The following A2ML1 variants were observed in gnomAD, a reference collection of about 807,000 sequenced individuals.
A2ML1 encodes the protein alpha-2-macroglobulin like 1.
A2ML1 carries 161 observed loss-of-function variants against 181.9 expected under a neutral mutation model. The ratio of observed to expected loss-of-function variants is 0.89; its 90% CI spans 0.78 to 1.01. The LOEUF is 1.01. A2ML1 is among the 50% of genes least tolerant of loss of function. The pLI is 0.00. For missense variants in A2ML1, 1,670 were observed against 1,768.1 expected, an observed-to-expected ratio of 0.94 and a Z score of 1.00; for synonymous variants, 663 against 666.8, an observed-to-expected ratio of 0.99 and a Z score of 0.09.
In A2ML1 at chr12:8,835,584, G is replaced by C; in HGVS notation, c.561G>C (p.Leu187=). 2 of 1,614,206 alleles carry C rather than the reference G, an allele frequency of 1.2e-6. No individual in the cohort carries two copies. The highest frequency in any genetic ancestry group is 1.7e-6 in the Non-Finnish European group (2 of 1,180,036). The part of the protein sequence containing the change: ...EQGIVDLSFQ[L]APEAMLGTYT... ...GCATTGTAGACCTGTCCTTCCAACT[G>C]GCACCAGAGGCAATGCTGGGCACCT... The change falls in exon 6 of 36, where the codon CTG becomes CTC. Residue 187 remains leucine (L), a synonymous_variant. Transcript: ENST00000299698.
rs1565497369 is a variant in A2ML1 at position 8,874,451 on chromosome 12, C to A, written c.4248C>A (p.Thr1416=). 6.2e-7 allele frequency: 1 copy of A among 1,614,048 alleles called. No homozygotes were observed. Among genetic ancestry groups the A allele is most frequent in the Non-Finnish European group, 8.5e-7 (1 of 1,179,948 alleles). Residue 1416 remains threonine (T), a synonymous_variant, in exon 34 of 36, where the codon ACC becomes ACA. Coordinates refer to ENST00000299698, the MANE Select transcript of A2ML1 (RefSeq NM_144670.6). ...TCATTAAGAACACTCAGACTTACAC[C>A]TTCACCATCAGCCAAAGTGTGCTGG... ...DELIKNTQTY[T]FTISQSVLVT...
At position 8,851,250 on chromosome 12, in the gene A2ML1, C is replaced by T. The variant is rs527855858; in HGVS notation, c.2235-534C>T. ...ACTCAGAGGGCACCAGCCTCTCTGTCAGATGTGCTTGCACAGAGATGCCCA... is the reference window on the plus strand; with the variant it reads ...ACTCAGAGGGCACCAGCCTCTCTGTTAGATGTGCTTGCACAGAGATGCCCA... On this transcript the variant is annotated intron_variant, in intron 18 of 35. Coordinates refer to ENST00000299698, the MANE Select transcript of A2ML1 (RefSeq NM_144670.6). 2.6e-4 allele frequency among the ~76,000 whole-genome samples: 39 copies of T among 152,318 alleles called. 2 individuals carry two copies. In the South Asian group the frequency reaches 7.7e-3, roughly 30 times the overall value.
Position 8,868,375 on chromosome 12 carries a change from G to A in A2ML1, c.4061+18G>A, listed in dbSNP as rs367608611. The A allele has an allele frequency of 7.5e-6, 12 of 1,609,058 alleles. No homozygotes were observed. Among genetic ancestry groups the A allele is most frequent in the South Asian group, 2.2e-5 (2 of 90,246 alleles). ...CACACCAGGTGATTAAAGCTGGGGT[G>A]CTGGTGGCCGGCAGAGCACCTGGTC... On this transcript the variant is annotated intron_variant, in intron 31 of 35. Coordinates refer to ENST00000299698, the MANE Select transcript of A2ML1 (RefSeq NM_144670.6).
rs369347600 is a variant in A2ML1, at chr12:8,829,879, G to A, written c.462+100G>A. On this transcript the variant is annotated intron_variant, in intron 4 of 35. Transcript: ENST00000299698. ...CCTCTCAGCCTGGGCGTGGCAAGGC[G>A]AGGCCCTCTGGGTTGGAGACTGCTG... The A allele has an allele frequency of 2.5e-4, 360 of 1,457,072 alleles. 5 individuals carry two copies. In the South Asian group the frequency reaches 3.1e-3, roughly 13 times the overall value. The allele number at this position is 1,457,072 out of a possible 1,614,324, so 90.3% of individuals were successfully genotyped here. A position where few individuals can be genotyped will look rare whatever the true frequency, so the allele number is the denominator to read the frequency against.
chr12:8,866,283 A>C lies in A2ML1; in HGVS notation c.3718-1559A>C, dbSNP rs768274822. On this transcript the variant is annotated intron_variant, in intron 29 of 35. Coordinates refer to ENST00000299698, the MANE Select transcript of A2ML1 (RefSeq NM_144670.6). Reference sequence around the variant, plus strand: ...TCGCGCCACTGCACTCCAGCCTGGGAGACAGAGCAAGACTCCATCTCAAAA... The same window carrying C: ...TCGCGCCACTGCACTCCAGCCTGGGCGACAGAGCAAGACTCCATCTCAAAA... Among the ~76,000 whole-genome samples the C allele has an allele frequency of 7.1e-5, 8 of 112,014 alleles. No homozygotes were observed. The East Asian group carries it at 1.2e-3, about 16-fold the overall frequency. The allele number at this position is 112,014 out of a possible 152,430, so 73.5% of individuals were successfully genotyped here.
rs1944495129 is a variant in A2ML1 at position 8,868,333 on chromosome 12, C to A, written c.4037C>A (p.Ser1346Tyr). The change falls in exon 31 of 36, where the codon TCC (serine) becomes TAC (tyrosine). Residue 1346 changes from serine (S) to tyrosine (Y), a missense_variant. Ser to Tyr is a moderately radical substitution (Grantham distance 144, BLOSUM62 -2). Coordinates refer to ENST00000299698, the MANE Select transcript of A2ML1 (RefSeq NM_144670.6). ...TGTGAGCAACCGACTTCACCTCGAT[C>A]CTTGACTCTCACTATTCACACCAGG... ...ARCEQPTSPR[S>Y]LTLTIHTSYV... 1 of 1,613,466 alleles carries A rather than the reference C, an allele frequency of 6.2e-7. No homozygotes were observed. The highest frequency in any genetic ancestry group is 8.5e-7 in the Non-Finnish European group (1 of 1,179,902).
At position 8,853,221 on chromosome 12, in the gene A2ML1, G is replaced by A. The variant is rs190456816; in HGVS notation, c.2590+885G>A. On this transcript the variant is annotated intron_variant, in intron 20 of 35. Transcript: ENST00000299698. ...TGCCCAGGCTGTTCTCAAACTCCTGGGTTCAAGTGATTCTCCCGCCTCACC... is the reference window on the plus strand; with the variant it reads ...TGCCCAGGCTGTTCTCAAACTCCTGAGTTCAAGTGATTCTCCCGCCTCACC... Among the ~76,000 whole-genome samples, 18 of 152,172 alleles carry A rather than the reference G, an allele frequency of 1.2e-4. No homozygotes were observed. In the East Asian group the frequency reaches 3.3e-3, roughly 28 times the overall value.
At chr12:8,845,231 C>A (rs745732644) in intron 12 of A2ML1, 1 of 1,530,110 alleles carries the variant, frequency 6.5e-7, no homozygotes, top group Admixed American at 2.0e-5. Flanking sequence ...TGGTTCTCAG[C>A]CAGACCTCCA....
At chr12:8,874,027 T>G (rs1001497183) in intron 33 of A2ML1, among the ~76,000 whole-genome samples, 1 of 151,888 alleles carries the variant, frequency 6.6e-6, no homozygotes, top group Non-Finnish European at 1.5e-5. Flanking sequence ...AAATTTTTTT[T>G]TAATTTGAGA....
rs114472838 is a variant in A2ML1, at chr12:8,857,475, G to A, written c.3026-32G>A. The A allele has an allele frequency of 3.2e-4, 520 of 1,610,014 alleles. 1 individual carries two copies. Among genetic ancestry groups the A allele is most frequent in the African/African-American group, 2.4e-3 (179 of 74,414 alleles). On this transcript the variant is annotated intron_variant, in intron 24 of 35. Transcript: ENST00000299698. ...CATGGGGGTGTTTTCTGAAGTTGTC[G>A]CTGTGATCTAAAACCACATTTGGCT...
chr12:8,872,147 C>T (rs1476649151), intron 33 of A2ML1, among the ~76,000 whole-genome samples: 2 of 151,210 alleles, frequency 1.3e-5, no homozygotes. Flanking sequence ...CCACTGCACT[C>T]CAGCCTGGGC....
At chr12:8,868,448 G>A in intron 31 of A2ML1, 89 bp from the exon 32 acceptor site, 3 of 1,488,076 alleles carry the variant, frequency 2.0e-6, no homozygotes, top group African/African-American at 2.2e-5. Context: ...CTGTGTATGT[G>A]TGTGTGTACG....
At chr12:8,840,778 C>G (rs900674650) in intron 10 of A2ML1, among the ~76,000 whole-genome samples, 1 of 151,608 alleles carries the variant, frequency 6.6e-6, no homozygotes, top group East Asian at 1.9e-4. Flanking sequence ...TATGGTGGCA[C>G]GGGCCTATAG....
chr12:8,841,264 T>G, intron 10 of A2ML1, 105 bp from the exon 11 acceptor site: 1 of 1,009,012 alleles, frequency 9.9e-7, no homozygotes, highest in Non-Finnish European at 1.5e-6. Flanking sequence ...TTACTTTTAG[T>G]GCCAAAAACC....
At chr12:8,877,376 G>A (rs1944823173), downstream of A2ML1, among the ~76,000 whole-genome samples, 2 of 152,094 alleles carry the variant, frequency 1.3e-5, no homozygotes, top group South Asian at 4.1e-4. Flanking sequence ...CACAGCAAAA[G>A]AAACTATCAA....
intron 4 of A2ML1, among the ~76,000 whole-genome samples, chr12:8,831,763 T>G (rs906226091): frequency 6.6e-6 from 1 of 151,974 alleles, no homozygotes; most frequent in Non-Finnish European, 1.5e-5. Flanking sequence ...TTTTGTTTTT[T>G]TTTGAGACGG....
At chr12:8,840,923 A>G (rs1274916955) in intron 10 of A2ML1, among the ~76,000 whole-genome samples, 15 of 148,802 alleles carry the variant, frequency 1.0e-4, no homozygotes, top group Admixed American at 6.7e-4. Context: ...AAAAAGAAAG[A>G]AAGGAAGGAA....
chr12:8,858,038 C>T lies in A2ML1; in HGVS notation c.3200C>T (p.Ala1067Val), dbSNP rs758909664. The T allele has an allele frequency of 3.1e-6, 5 of 1,614,134 alleles. No homozygotes were observed. The highest frequency in any genetic ancestry group is 4.2e-6 in the Non-Finnish European group (5 of 1,180,038). ...ATCCAGGATGCTCTCAAGTGGATGGCAGGAAACCAGCTCCCCAGTGGCTGC... is the reference window on the plus strand; with the variant it reads ...ATCCAGGATGCTCTCAAGTGGATGGTAGGAAACCAGCTCCCCAGTGGCTGC... The part of the protein sequence containing the change: ...KNIQDALKWM[A>V]GNQLPSGCYA... The change falls in exon 26 of 36, where the codon GCA becomes GTA. Residue 1067 changes from alanine (A) to valine (V), a missense_variant. Transcript: ENST00000299698.
Position 8,867,909 on chromosome 12 carries a change from T to A in A2ML1, c.3785T>A (p.Ile1262Asn). ...ACCGCCTACATGCCATCTGAGGAGA[T>A]CAACCTGGTTGTAAAATCCACTGAG... ...ATTAYMPSEEINLVVKSTENF... is the reference protein window; with the variant it reads ...ATTAYMPSEENNLVVKSTENF... The change falls in exon 30 of 36, where the codon ATC becomes AAC. Residue 1262 changes from isoleucine (I) to asparagine (N), a missense_variant. Transcript: ENST00000299698. 1 of 1,614,252 alleles carries A rather than the reference T, an allele frequency of 6.2e-7. No homozygotes were observed. Among genetic ancestry groups the A allele is most frequent in the Non-Finnish European group, 8.5e-7 (1 of 1,180,046 alleles).
Sources: gnomAD v4.1 joint callset for allele counts (sites outside exome capture counted in the v4.1 genomes callset) on GRCh38, gnomAD v4.1.1 for gene constraint, MANE v1.5 for transcripts, NCBI Gene and HGNC (gene_info 2026-07-23, HGNC 2026-07-21) for gene names.